The following ANKDD1A variants were observed in gnomAD, a reference collection of about 807,000 sequenced individuals.
The protein encoded by ANKDD1A is ankyrin repeat and death domain containing 1A.
In ANKDD1A, 59 loss-of-function variants were observed where a neutral mutation model predicts 63.5. The ratio of observed to expected loss-of-function variants is 0.93; its 90% CI spans 0.75 to 1.15. The LOEUF (loss-of-function observed/expected upper bound fraction) is 1.15, where lower values mean the gene tolerates loss of function less well. ANKDD1A is among the 50% of genes most tolerant of loss of function. The pLI is 0.00. For synonymous variants in ANKDD1A, 266 were observed against 263.9 expected, an observed-to-expected ratio of 1.01 and a Z score of -0.08; for missense variants, 632 against 656.4, an observed-to-expected ratio of 0.96 and a Z score of 0.41.
intron 14 of ANKDD1A, among the ~76,000 whole-genome samples, chr15:64,953,785 CTTCTGCTTTCTTCTTCCTTT>C (rs1187240815): frequency 4.3e-5 from 6 of 140,006 alleles, no homozygotes; most frequent in Non-Finnish European, 9.3e-5. Context: ...TCTTTTCTTT[CTTCTGCTTTCTTCTTCCTTT>C]TTTTCTTCTT....
At chr15:64,940,769 C>T (rs536262083) in intron 9 of ANKDD1A, among the ~76,000 whole-genome samples, 43 of 149,754 alleles carry the variant, frequency 2.9e-4, no homozygotes, top group Admixed American at 1.6e-3. Flanking sequence ...GACAAGGTCT[C>T]ACTCTGTTGC....
At chr15:64,920,795 A>G (rs2085002241) in intron 3 of ANKDD1A, among the ~76,000 whole-genome samples, 1 of 150,736 alleles carries the variant, frequency 6.6e-6, no homozygotes, top group South Asian at 2.1e-4. Context: ...CGATCCTCCC[A>G]CCTTGGTCCC....
intron 13 of ANKDD1A, 119 bp from the exon 14 acceptor site, chr15:64,949,722 G>T: frequency 6.9e-7 from 1 of 1,445,170 alleles, no homozygotes; most frequent in Admixed American, 2.0e-5. Flanking sequence ...GGAGGCTTTT[G>T]GCCTCTTTCC....
intron 13 of ANKDD1A, among the ~76,000 whole-genome samples, chr15:64,949,533 CT>C (rs2085252024): frequency 2.0e-5 from 3 of 152,216 alleles, no homozygotes; most frequent in Admixed American, 2.0e-4. Context: ...AAAGTCAATT[CT>C]TTCTCCATTC....
At chr15:64,940,073 A>G (rs1172477286) in intron 9 of ANKDD1A, among the ~76,000 whole-genome samples, 1 of 152,068 alleles carries the variant, frequency 6.6e-6, no homozygotes, top group African/African-American at 2.4e-5. Flanking sequence ...ACCAAGAGAA[A>G]AGATTTGCAA....
intron 3 of ANKDD1A, chr15:64,919,949 C>T (rs987789647): frequency 5.9e-5 from 9 of 152,304 alleles, no homozygotes; most frequent in African/African-American, 2.2e-4. Flanking sequence ...GTGCAACTCT[C>T]TTTGGATGCT....
chr15:64,946,825 C>T (rs1486569362), intron 12 of ANKDD1A, among the ~76,000 whole-genome samples: 1 of 152,164 alleles, frequency 6.6e-6, no homozygotes, highest in Non-Finnish European at 1.5e-5. Flanking sequence ...TTTTTTCACC[C>T]TGAACTTAAC....
chr15:64,917,604 A>G, intron 3 of ANKDD1A, 90 bp downstream of exon 3: 1 of 1,486,916 alleles, frequency 6.7e-7, no homozygotes, highest in Non-Finnish European at 9.0e-7. Context: ...GATTGCTGCT[A>G]ATATGCAGAC....
At chr15:64,954,750 C>CTTG (rs2085397067) in intron 14 of ANKDD1A, among the ~76,000 whole-genome samples, 1 of 97,016 alleles carries the variant, frequency 1.0e-5, no homozygotes, top group Non-Finnish European at 2.3e-5. Context: ...TCTCCTTCTT[C>CTTG]TTTCTTTTTG....
chr15:64,951,770 C>CT (rs2085286696), intron 14 of ANKDD1A, among the ~76,000 whole-genome samples: 3 of 136,856 alleles, frequency 2.2e-5, no homozygotes, highest in African/African-American at 8.4e-5. Context: ...TCCTTTTCTT[C>CT]TTCTTTCCTT....
chr15:64,949,763 G>C, intron 13 of ANKDD1A, 78 bp from the exon 14 acceptor site: 1 of 1,565,754 alleles, frequency 6.4e-7, no homozygotes, highest in Middle Eastern at 1.7e-4. Flanking sequence ...GCGGTGCAGG[G>C]TGGCATAGAC....
chr15:64,938,616 TGTG>T (rs1186259588), intron 9 of ANKDD1A, among the ~76,000 whole-genome samples: 1 of 152,120 alleles, frequency 6.6e-6, no homozygotes, highest in African/African-American at 2.4e-5. Flanking sequence ...CTAAATATAA[TGTG>T]GTATCCTGGA....
At chr15:64,917,302 AG>A in intron 2 of ANKDD1A, 83 bp from the exon 3 acceptor site, 1 of 1,472,236 alleles carries the variant, frequency 6.8e-7, no homozygotes, top group East Asian at 2.4e-5. Context: ...CCTGCAGACC[AG>A]CTGTCCTGGG....
At chr15:64,917,720 T>C (rs1398225348) in intron 3 of ANKDD1A, among the ~76,000 whole-genome samples, 1 of 152,280 alleles carries the variant, frequency 6.6e-6, no homozygotes, top group East Asian at 1.9e-4. Flanking sequence ...CTTTCAAGGG[T>C]CTTTCAGTTC....
Position 64,947,547 on chromosome 15 carries a change from G to A in ANKDD1A, c.1305G>A (p.Trp435Ter). ...AGTGGAAGAAGCTGGCATATTCCTG[G>A]GAGTTCACGGAGGCACATGTCGACG... ...PREWKKLAYS[W>*]EFTEAHVDAI... The change falls in exon 13 of 15, where the codon TGG becomes TGA. Residue 435 changes from tryptophan to a stop codon, truncating the protein, a stop_gained. Transcript: ENST00000319580. LOFTEE classifies it high-confidence loss of function. The A allele has an allele frequency of 6.2e-7, 1 of 1,614,144 alleles. No homozygotes were observed. The highest frequency in any genetic ancestry group is 8.5e-7 in the Non-Finnish European group (1 of 1,180,018).
intron 14 of ANKDD1A, chr15:64,950,858 T>C: frequency 8.7e-7 from 1 of 1,151,120 alleles, no homozygotes; most frequent in Non-Finnish European, 1.1e-6. Context: ...TTGTTACATC[T>C]TTTAACACAA....
intron 12 of ANKDD1A, among the ~76,000 whole-genome samples, chr15:64,947,093 G>C (rs1305685483): frequency 6.6e-6 from 1 of 152,190 alleles, no homozygotes; most frequent in Non-Finnish European, 1.5e-5. Flanking sequence ...GTGACCGGAG[G>C]AATCTGGAAA....
chr15:64,936,706 G>A (rs1009992941), intron 9 of ANKDD1A, among the ~76,000 whole-genome samples: 1 of 152,044 alleles, frequency 6.6e-6, no homozygotes. Flanking sequence ...CGGGTATGGT[G>A]GTGGGTACCT....
At chr15:64,936,599 A>G (rs186451784) in intron 9 of ANKDD1A, among the ~76,000 whole-genome samples, 2 of 152,156 alleles carry the variant, frequency 1.3e-5, no homozygotes, top group East Asian at 1.9e-4. Context: ...AACACTTTGG[A>G]AGGCTGAGGT....
Sources: gnomAD v4.1 joint callset for allele counts (sites outside exome capture counted in the v4.1 genomes callset) on GRCh38, gnomAD v4.1.1 for gene constraint, MANE v1.5 for transcripts, NCBI Gene and HGNC (gene_info 2026-07-23, HGNC 2026-07-21) for gene names.